Variants in FMR1NB observed in about 807,000 individuals in gnomAD.
The protein encoded by FMR1NB is FMR1 neighbor, also known as FMR1 neighbor protein.
A neutral mutation model predicts 16.8 loss-of-function variants in FMR1NB; 10 were observed. The ratio of observed to expected loss-of-function variants is 0.60; its 90% confidence interval spans 0.37 to 1.01. The LOEUF is 1.01. FMR1NB is among the 50% of genes least tolerant of loss of function. The pLI is 0.01. For synonymous variants in FMR1NB, 83 were observed against 79.1 expected (o/e 1.05, Z -0.26); for missense variants, 205 against 204.8 (o/e 1.00, Z 0.00).
At chrX:147,981,741 G>A in intron 1 of FMR1NB, 62 bp downstream of exon 1, 1 of 896,686 alleles carries the variant, frequency 1.1e-6, no homozygotes, top group South Asian at 2.6e-5. Context: ...AGGGAGAGGG[G>A]GGCGGGGTGT....
chrX:148,003,140 G>C, intron 1 of FMR1NB, 61 bp from the exon 2 acceptor site: 1 of 1,102,982 alleles, frequency 9.1e-7, no homozygotes, highest in Non-Finnish European at 1.2e-6. Flanking sequence ...TACCATTCAA[G>C]GGTCATTGAA....
chrX:147,988,800 C>T (rs1169595096), intron 1 of FMR1NB, among the ~76,000 whole-genome samples: 3 of 111,273 alleles, frequency 2.7e-5, no homozygotes, highest in Admixed American at 1.9e-4. Context: ...ATTGATTTGG[C>T]TATTGATACT....
At chrX:148,010,992 A>G (rs1427305148) in intron 4 of FMR1NB, among the ~76,000 whole-genome samples, 1 of 111,443 alleles carries the variant, frequency 9.0e-6, no homozygotes, top group African/African-American at 3.3e-5. Context: ...AACTGACAAG[A>G]GTTGGAGAGC....
At chrX:148,013,522 A>T (rs1397140352) in intron 4 of FMR1NB, among the ~76,000 whole-genome samples, 2 of 112,308 alleles carry the variant, frequency 1.8e-5, no homozygotes, top group East Asian at 5.6e-4. Context: ...TAGGAAGAAC[A>T]TTCTAAAAGA....
intron 4 of FMR1NB, among the ~76,000 whole-genome samples, chrX:148,012,604 T>C (rs1463079621): frequency 9.0e-6 from 1 of 111,332 alleles, no homozygotes; most frequent in Non-Finnish European, 1.9e-5. Flanking sequence ...AAAAAGCACA[T>C]CCCCCATACA....
chrX:147,987,012 C>T (rs1394378613), intron 1 of FMR1NB, among the ~76,000 whole-genome samples: 2 of 110,763 alleles, frequency 1.8e-5, no homozygotes, highest in African/African-American at 6.6e-5. Flanking sequence ...AATGGTTTGT[C>T]GTTCTCCTTG....
At chrX:148,013,040 G>C (rs1438881412) in intron 4 of FMR1NB, among the ~76,000 whole-genome samples, 1 of 111,753 alleles carries the variant, frequency 8.9e-6, no homozygotes, top group African/African-American at 3.3e-5. Context: ...AAATATGTCA[G>C]ATGAGAATGT....
intron 1 of FMR1NB, among the ~76,000 whole-genome samples, chrX:147,992,935 G>C (rs782017692): frequency 9.8e-6 from 1 of 102,456 alleles, no homozygotes; most frequent in East Asian, 3.0e-4. Flanking sequence ...TTTCCAGGCT[G>C]GGCAGCCAGG....
intron 4 of FMR1NB, among the ~76,000 whole-genome samples, chrX:148,011,224 A>G (rs782694756): frequency 4.7e-4 from 52 of 110,526 alleles, no homozygotes; most frequent in Middle Eastern, 9.3e-3. Flanking sequence ...AGATCGCGTC[A>G]CTGCACTCTA....
chrX:147,989,797 A>G (rs1569546549), intron 1 of FMR1NB, among the ~76,000 whole-genome samples: 2 of 111,149 alleles, frequency 1.8e-5, no homozygotes, highest in Non-Finnish European at 3.8e-5. Flanking sequence ...TCCTTAGCAC[A>G]GTCAGGGGAA....
intron 1 of FMR1NB, 49 bp downstream of exon 1, chrX:147,981,728 G>A (rs1603066744): frequency 4.3e-6 from 4 of 929,989 alleles, no homozygotes; most frequent in Non-Finnish European, 5.8e-6. Flanking sequence ...GAGGGGGAGG[G>A]GGAGGGAGAG....
chrX:148,014,937 G>C (rs1389528605), intron 4 of FMR1NB, among the ~76,000 whole-genome samples: 1 of 111,966 alleles, frequency 8.9e-6, no homozygotes, highest in Non-Finnish European at 1.9e-5. Flanking sequence ...AAGCCAACAT[G>C]CCCAGCCCGT....
chrX:148,003,441 T>TC, intron 2 of FMR1NB, 121 bp downstream of exon 2: 1 of 777,444 alleles, frequency 1.3e-6, no homozygotes, highest in Non-Finnish European at 1.8e-6. Context: ...GTTTGAATCC[T>TC]GGCTCTGCTC....
At chrX:148,024,816 T>G in intron 4 of FMR1NB, 49 bp from the exon 5 acceptor site, 3 of 1,186,478 alleles carry the variant, frequency 2.5e-6, no homozygotes, top group South Asian at 3.8e-5. Flanking sequence ...CCATTGTTAT[T>G]CTATCACTAA....
intron 1 of FMR1NB, among the ~76,000 whole-genome samples, chrX:147,994,279 G>T (rs898348193): frequency 3.5e-4 from 39 of 111,998 alleles, no homozygotes; most frequent in Non-Finnish European, 6.8e-4. Flanking sequence ...CAACTAAAAA[G>T]AATAGAGACT....
At chrX:147,988,572 T>A (rs782473319) in intron 1 of FMR1NB, among the ~76,000 whole-genome samples, 1 of 111,692 alleles carries the variant, frequency 9.0e-6, no homozygotes, top group African/African-American at 3.3e-5. Context: ...TTAGGGGAAG[T>A]TCTCCTGGAT....
intron 1 of FMR1NB, 145 bp downstream of exon 1, chrX:147,981,824 C>T (rs2044449385): frequency 7.5e-6 from 5 of 667,066 alleles, no homozygotes; most frequent in Admixed American, 4.0e-5. Context: ...GCCTTTATGG[C>T]CCTATCCTCA....
At chrX:148,022,225 A>G (rs1209026195) in intron 4 of FMR1NB, among the ~76,000 whole-genome samples, 1 of 106,420 alleles carries the variant, frequency 9.4e-6, no homozygotes, top group Non-Finnish European at 1.9e-5. Context: ...ACTTTTCTTT[A>G]TCTGGCTCTC....
chrX:147,994,909 C>T (rs1343907872), intron 1 of FMR1NB, among the ~76,000 whole-genome samples: 2 of 112,079 alleles, frequency 1.8e-5, no homozygotes, highest in Non-Finnish European at 3.8e-5. Context: ...TGTTCCCTCA[C>T]CAAAAACAGT....
Sources: gnomAD v4.1 joint callset for allele counts (sites outside exome capture counted in the v4.1 genomes callset) on GRCh38, gnomAD v4.1.1 for gene constraint, MANE v1.5 for transcripts, NCBI Gene and HGNC (gene_info 2026-07-23, HGNC 2026-07-21) for gene names.